The following ETHE1 variants were observed in gnomAD, a reference collection of about 807,000 sequenced individuals.
ETHE1 encodes persulfide dioxygenase ETHE1, mitochondrial.
ETHE1 carries 16 observed loss-of-function variants against 25.7 expected under a neutral mutation model. That is an observed-to-expected ratio of 0.62 (90% CI 0.42 to 0.95). The LOEUF (loss-of-function observed/expected upper bound fraction) is 0.95, where lower values mean the gene tolerates loss of function less well. Ranked by LOEUF, ETHE1 falls within the 40% of genes least tolerant of loss-of-function variation. The pLI is 0.00. For missense variants in ETHE1, 300 were observed against 333.6 expected (o/e 0.90, Z 0.79); for synonymous variants, 139 against 135.9 (o/e 1.02, Z -0.16).
chr19:43,522,251 G>T (rs949969537), intron 3 of ETHE1, among the ~76,000 whole-genome samples: 3 of 152,050 alleles, frequency 2.0e-5, no homozygotes, highest in African/African-American at 7.2e-5. Flanking sequence ...GCAAGACTCA[G>T]TCTCTACAAA....
intron 3 of ETHE1, among the ~76,000 whole-genome samples, chr19:43,520,099 A>T (rs1972110852): frequency 6.6e-6 from 1 of 151,366 alleles, no homozygotes; most frequent in Non-Finnish European, 1.5e-5. Flanking sequence ...CTGTAATCTT[A>T]GCACTTTGGG....
At chr19:43,524,291 AAG>A (rs1337743749) in intron 3 of ETHE1, among the ~76,000 whole-genome samples, 1 of 152,084 alleles carries the variant, frequency 6.6e-6, no homozygotes, top group Non-Finnish European at 1.5e-5. Flanking sequence ...AGGCTGAAAC[AAG>A]AGAATCACTT....
chr19:43,515,231 A>G (rs993876102), intron 3 of ETHE1, among the ~76,000 whole-genome samples: 1 of 152,062 alleles, frequency 6.6e-6, no homozygotes, highest in Non-Finnish European at 1.5e-5. Context: ...ACCCCGGCCA[A>G]TGTGGTGAAA....
intron 3 of ETHE1, among the ~76,000 whole-genome samples, chr19:43,522,512 T>C (rs929662175): frequency 5.0e-4 from 76 of 152,232 alleles, no homozygotes; most frequent in Admixed American, 4.8e-3. Flanking sequence ...GTTTTGCTCT[T>C]GTCACTCATG....
In ETHE1 at chr19:43,515,812, G is replaced by T. The variant is rs147862513; in HGVS notation, c.376-4246C>A. Among the ~76,000 whole-genome samples the T allele has an allele frequency of 6.1e-3, 936 of 152,246 alleles. 6 individuals carry two copies. Among genetic ancestry groups the T allele is most frequent in the African/African-American group, 0.022 (909 of 41,554 alleles). On this transcript the variant is annotated intron_variant, in intron 3 of 6. Transcript: ENST00000292147. ...GCTGGTCTCAAGCTCCTGACCTCAG[G>T]TGATTCACCCGCCTCAGGCTCCCAA...
chr19:43,518,469 G>A (rs900290589), intron 3 of ETHE1, among the ~76,000 whole-genome samples: 4 of 151,982 alleles, frequency 2.6e-5, no homozygotes, highest in African/African-American at 7.2e-5. Flanking sequence ...CATATTGGCC[G>A]GGCGTGGTGT....
chr19:43,526,822 A>G (rs1972260861), intron 1 of ETHE1, 163 bp from the exon 2 acceptor site: 1 of 1,502,166 alleles, frequency 6.7e-7, no homozygotes, highest in Admixed American at 2.1e-5. Flanking sequence ...ACCTTCCCCT[A>G]TCAGAACAAA....
In ETHE1 at chr19:43,508,015, C is replaced by T. The variant is rs779584627; in HGVS notation, c.641G>A (p.Arg214Gln). 1.1e-5 allele frequency: 18 copies of T among 1,614,108 alleles called. No homozygotes were observed. The highest frequency in any genetic ancestry group is 1.5e-5 in the Non-Finnish European group (18 of 1,180,032). The change falls in exon 6 of 7, where the codon CGG (arginine) becomes CAG (glutamine). Residue 214 changes from arginine (R) to glutamine (Q), a missense_variant. Physicochemically the swap from Arg to Gln is conservative, Grantham distance 43. Transcript: ENST00000292147. ...TVEEERTLNP[R>Q]LTLSCEEFVK... ...AAACTCCTCACAGCTGAGGGTGAGC[C>T]GAGGGTTCAGAGTCCTCTCCTCCTC...
chr19:43,514,176 C>T (rs529929711), intron 3 of ETHE1, among the ~76,000 whole-genome samples: 2 of 152,068 alleles, frequency 1.3e-5, no homozygotes, highest in Non-Finnish European at 1.5e-5. Flanking sequence ...TGTGTCCCCA[C>T]CCAAATCTCA....
At chr19:43,523,609 A>G (rs1972179795) in intron 3 of ETHE1, among the ~76,000 whole-genome samples, 1 of 152,108 alleles carries the variant, frequency 6.6e-6, no homozygotes, top group South Asian at 2.1e-4. Context: ...AGAAGGAAAA[A>G]TAAAGGAGAG....
intron 3 of ETHE1, among the ~76,000 whole-genome samples, chr19:43,515,511 G>A (rs188103508): frequency 1.3e-5 from 2 of 152,112 alleles, no homozygotes; most frequent in Admixed American, 6.5e-5. Flanking sequence ...TTATCCGCAG[G>A]GGATACCTCC....
chr19:43,519,003 T>G (rs12973765), intron 3 of ETHE1, among the ~76,000 whole-genome samples: 1 of 50,958 alleles, frequency 2.0e-5, no homozygotes, highest in African/African-American at 1.1e-4. Flanking sequence ...GTGCTTGTTT[T>G]TTTTTTTTTT....
Position 43,511,135 on chromosome 19 carries a change from G to A in ETHE1, c.505+302C>T, listed in dbSNP as rs58434293. 9.1e-3 allele frequency among the ~76,000 whole-genome samples: 1,385 copies of A among 152,038 alleles called. 24 individuals carry two copies. The highest frequency in any genetic ancestry group is 0.031 in the African/African-American group (1,295 of 41,476). On this transcript the variant is annotated intron_variant, in intron 4 of 6. Transcript: ENST00000292147. ...GCTCCCACTGATTCTACATGATGGT[G>A]AGTTACATAATTATTTCATTATCTA...
intron 3 of ETHE1, among the ~76,000 whole-genome samples, chr19:43,518,999 G>GTTTTTTTTTTTTTTTTTTTTTTTTTTTTT (rs71169253): frequency 1.1e-5 from 1 of 91,012 alleles, no homozygotes; most frequent in Non-Finnish European, 2.1e-5. Context: ...ATTTGTGCTT[G>GTTTTTTTTTTTTTTTTTTTTTTTTTTTTT]TTTTTTTTTT....
At chr19:43,519,591 C>T (rs1427752986) in intron 3 of ETHE1, among the ~76,000 whole-genome samples, 1 of 152,126 alleles carries the variant, frequency 6.6e-6, no homozygotes. Context: ...GAAACTACCC[C>T]CATCAAAGAA....
At chr19:43,518,624 G>A (rs1176045795) in intron 3 of ETHE1, among the ~76,000 whole-genome samples, 2 of 151,290 alleles carry the variant, frequency 1.3e-5, no homozygotes, top group African/African-American at 2.4e-5. Context: ...GGTGGTGGGC[G>A]TCTGTAGTCC....
chr19:43,519,740 A>C (rs572700110), intron 3 of ETHE1, among the ~76,000 whole-genome samples: 1 of 152,178 alleles, frequency 6.6e-6, no homozygotes, highest in Admixed American at 6.6e-5. Flanking sequence ...TCATTACTCA[A>C]AACTATAGTA....
chr19:43,526,726 A>T (rs558294884), intron 1 of ETHE1, 67 bp from the exon 2 acceptor site: 2,022 of 1,609,588 alleles, frequency 1.3e-3, no homozygotes, highest in Non-Finnish European at 1.6e-3. Flanking sequence ...CAAGTAGTCC[A>T]GACTGACCCT....
At chr19:43,520,176 C>T (rs1458052263) in intron 3 of ETHE1, among the ~76,000 whole-genome samples, 1 of 151,832 alleles carries the variant, frequency 6.6e-6, no homozygotes, top group Non-Finnish European at 1.5e-5. Context: ...TGGTGAAACC[C>T]CATCGCTACT....
Sources: gnomAD v4.1 joint callset for allele counts (sites outside exome capture counted in the v4.1 genomes callset) on GRCh38, gnomAD v4.1.1 for gene constraint, MANE v1.5 for transcripts, NCBI Gene and HGNC (gene_info 2026-07-23, HGNC 2026-07-21) for gene names.